Variants in DOCK6 observed in about 807,000 individuals in gnomAD.
The protein encoded by DOCK6 is dedicator of cytokinesis protein 6.
A neutral mutation model predicts 230.3 loss-of-function variants in DOCK6; 167 were observed. That is an observed-to-expected ratio of 0.73 (90% CI 0.64 to 0.82). The LOEUF (loss-of-function observed/expected upper bound fraction) is 0.82, where lower values mean the gene tolerates loss of function less well. Among genes scored for constraint, DOCK6 ranks in the 40% least tolerant of loss-of-function variants. The probability of loss-of-function intolerance (pLI) is 0.00; values close to 1 mark genes in which losing one functional copy is unlikely to be tolerated. For missense variants in DOCK6, 2,598 were observed against 2,825.8 expected (o/e 0.92, Z 1.83); for synonymous variants, 1,148 against 1,185.0 (o/e 0.97, Z 0.64).
intron 39 of DOCK6, among the ~76,000 whole-genome samples, chr19:11,205,591 C>A (rs898259341): frequency 1.3e-5 from 2 of 152,168 alleles, no homozygotes; most frequent in Non-Finnish European, 2.9e-5. Context: ...GATCTACCCA[C>A]CTCGACCTCT....
chr19:11,200,491 A>T lies in DOCK6; in HGVS notation c.5940-22T>A. 6.2e-7 allele frequency: 1 copy of T among 1,605,602 alleles called. No homozygotes were observed. Among genetic ancestry groups the T allele is most frequent in the East Asian group, 2.2e-5 (1 of 44,468 alleles). Reference sequence around the variant, plus strand: ...ACATCTGAGGGCCAGAGGGTGGGAGATGCTCAGAGACTCGCACACGGGACT... The same window carrying T: ...ACATCTGAGGGCCAGAGGGTGGGAGTTGCTCAGAGACTCGCACACGGGACT... On this transcript the variant is annotated intron_variant, in intron 46 of 47. Transcript: ENST00000294618. The surrounding 1 kb of genome is among the most constrained non-coding windows in gnomAD (Gnocchi z 4.3).
intron 14 of DOCK6, chr19:11,239,572 C>T: frequency 6.3e-7 from 1 of 1,577,934 alleles, no homozygotes; most frequent in Non-Finnish European, 8.6e-7. Flanking sequence ...GACTGGGGAT[C>T]AGTGGGGGTA....
chr19:11,217,388 C>T lies in DOCK6; in HGVS notation c.3554G>A (p.Gly1185Asp). The T allele has an allele frequency of 6.2e-7, 1 of 1,612,550 alleles. No individual in the cohort carries two copies. Residue 1185 changes from glycine to aspartate, a missense_variant, in exon 29 of 48, where the codon GGC becomes GAC. Gly to Asp is a moderately conservative substitution (Grantham distance 94). Coordinates refer to ENST00000294618, the MANE Select transcript of DOCK6 (RefSeq NM_020812.4). The part of the protein sequence containing the change: ...TLPRLHDFAE[G>D]PGQRSRLASM... ...GGCCAGTCTTGACCGCTGACCTGGG[C>T]CCTCTGGCAGGGAAAGACAGAGGGA...
chr19:11,244,276 TG>T, intron 9 of DOCK6, among the ~76,000 whole-genome samples: 1 of 152,128 alleles, frequency 6.6e-6, no homozygotes, highest in Non-Finnish European at 1.5e-5. Flanking sequence ...CCCAAAGTGC[TG>T]GGATAACAGG....
At position 11,237,874 on chromosome 19, in the gene DOCK6, C is replaced by T; in HGVS notation, c.1833-95G>A. On this transcript the variant is annotated intron_variant, in intron 16 of 47. Coordinates refer to ENST00000294618, the MANE Select transcript of DOCK6 (RefSeq NM_020812.4). ...TGCCACGCCCTTATTGCTGCTAGGC[C>T]CCACTGTCTCTGCTGTCTGCCTCAG... 3.5e-6 allele frequency: 5 copies of T among 1,433,722 alleles called. No individual in the cohort carries two copies. In the South Asian group the frequency reaches 5.0e-5, roughly 14 times the overall value. The allele number at this position is 1,433,722 out of a possible 1,614,324, so 88.8% of individuals were successfully genotyped here. A position where few individuals can be genotyped will look rare whatever the true frequency, so the allele number is the denominator to read the frequency against.
At chr19:11,231,395 T>C (rs1385802000) in intron 22 of DOCK6, among the ~76,000 whole-genome samples, 1 of 151,390 alleles carries the variant, frequency 6.6e-6, no homozygotes, top group East Asian at 2.0e-4. Flanking sequence ...GAAGCTGGTA[T>C]TCGGTTGCTA....
intron 24 of DOCK6, among the ~76,000 whole-genome samples, chr19:11,225,045 C>A (rs2079642735): frequency 1.3e-5 from 2 of 149,494 alleles, no homozygotes; most frequent in Admixed American, 1.3e-4. Context: ...GCCTGGGCGA[C>A]AGAATGAGAC....
intron 1 of DOCK6, among the ~76,000 whole-genome samples, chr19:11,260,933 AAGAAAC>A (rs1330637824): frequency 6.6e-6 from 1 of 151,864 alleles, no homozygotes; most frequent in African/African-American, 2.4e-5. Context: ...AGGAAAGAAA[AAGAAAC>A]AGACAGCAAT....
At chr19:11,216,614 G>A (rs1484787434) in intron 30 of DOCK6, 1 of 344,756 alleles carries the variant, frequency 2.9e-6, no homozygotes, top group Non-Finnish European at 5.5e-6. Flanking sequence ...TCAGTATGTT[G>A]GCCAGACTGC....
chr19:11,203,475 G>A (rs1180277643), intron 41 of DOCK6, among the ~76,000 whole-genome samples: 1 of 151,988 alleles, frequency 6.6e-6, no homozygotes. Flanking sequence ...AAGAGGACCT[G>A]CCCTCCCCAC....
chr19:11,237,192 AG>A (rs1272327606), intron 18 of DOCK6: 19 of 593,276 alleles, frequency 3.2e-5, no homozygotes, highest in Non-Finnish European at 5.7e-5. Flanking sequence ...GGGAATGATA[AG>A]GTACTACGAG....
chr19:11,217,309 G>A lies in DOCK6; in HGVS notation c.3633C>T (p.Asn1211=), dbSNP rs762301589. The A allele has an allele frequency of 2.5e-6, 4 of 1,613,332 alleles. No homozygotes were observed. The Admixed American group carries it at 6.7e-5, about 27-fold the overall frequency. The change falls in exon 29 of 48, where the codon AAC becomes AAT. Residue 1211 remains asparagine (N), a synonymous_variant. Transcript: ENST00000294618. ...EGEGDIAGTI[N]PSVAMAIAGG... ...CAGCAATGGCCATGGCCACAGAGGG[G>A]TTGATGGTACCCGCAATGTCCCCTT... is the stretch of plus-strand genomic sequence containing the variant.
chr19:11,206,724 C>T lies in DOCK6; in HGVS notation c.5088+1962G>A, dbSNP rs550321200. Reference sequence around the variant, plus strand: ...TAGAGTGCAATGAAATAAAGGATGACCATTAACTTGGCCACGCGGGATAAA... The same window carrying T: ...TAGAGTGCAATGAAATAAAGGATGATCATTAACTTGGCCACGCGGGATAAA... On this transcript the variant is annotated intron_variant, in intron 39 of 47. Transcript: ENST00000294618. Among the ~76,000 whole-genome samples the T allele has an allele frequency of 2.6e-5, 4 of 152,094 alleles. No homozygotes were observed. The East Asian group carries it at 5.8e-4, about 22-fold the overall frequency.
intron 32 of DOCK6, among the ~76,000 whole-genome samples, 175 bp downstream of exon 32, chr19:11,215,212 G>A (rs1263291351): frequency 2.0e-5 from 3 of 152,000 alleles, no homozygotes. Context: ...CAAAGTGCTG[G>A]GATTACAGGC....
chr19:11,225,733 A>G (rs1056011999), intron 24 of DOCK6, among the ~76,000 whole-genome samples: 6 of 151,618 alleles, frequency 4.0e-5, no homozygotes, highest in African/African-American at 1.5e-4. Flanking sequence ...ACCACACACA[A>G]AAAAACCCCA....
chr19:11,251,818 T>C (rs978939415), intron 5 of DOCK6: 12 of 355,430 alleles, frequency 3.4e-5, no homozygotes, highest in South Asian at 8.1e-5. Flanking sequence ...TAAATGTTGA[T>C]TGACAAAATA....
At position 11,242,073 on chromosome 19, in the gene DOCK6, C is replaced by T. The variant is rs1215247945; in HGVS notation, c.1615G>A (p.Glu539Lys). 4.5e-6 allele frequency: 7 copies of T among 1,550,352 alleles called. No homozygotes were observed. In the South Asian group the frequency reaches 6.3e-5, roughly 14 times the overall value. The change falls in exon 14 of 48, where the codon GAA (glutamate) becomes AAA (lysine). Residue 539 changes from glutamate to lysine, a missense_variant. Physicochemically the swap from Glu to Lys is moderately conservative, Grantham distance 56. Transcript: ENST00000294618. ...TKEILEFPAR[E>K]VYAPHTSYRN... ...TAGCTGGTATGGGGGGCATAGACTT[C>T]GCGGGCGGGGAACTCCAGAATCTCC...
chr19:11,246,179 G>A (rs1240293466), intron 7 of DOCK6, among the ~76,000 whole-genome samples: 7 of 151,722 alleles, frequency 4.6e-5, no homozygotes, highest in Non-Finnish European at 5.9e-5. Context: ...CAATTCTCCT[G>A]CCTCAGCCTC....
At chr19:11,215,287 A>G (rs1038092296) in intron 32 of DOCK6, 100 bp downstream of exon 32, 15 of 1,066,340 alleles carry the variant, frequency 1.4e-5, no homozygotes, top group East Asian at 2.5e-5. Flanking sequence ...GGGTCTTACT[A>G]TGTTGCCCAG....
Sources: gnomAD v4.1 joint callset for allele counts (sites outside exome capture counted in the v4.1 genomes callset) on GRCh38, gnomAD v4.1.1 for gene constraint, Gnocchi (gnomAD v3.1) non-coding constraint, MANE v1.5 for transcripts, NCBI Gene and HGNC (gene_info 2026-07-23, HGNC 2026-07-21) for gene names.